Variants in PCED1A observed in about 807,000 individuals in gnomAD.
PCED1A encodes PC-esterase domain-containing protein 1A.
A neutral mutation model predicts 41.9 loss-of-function variants in PCED1A; 20 were observed. The ratio of observed to expected loss-of-function variants is 0.48; its 90% CI spans 0.34 to 0.69. PCED1A has a LOEUF of 0.69. Ranked by LOEUF, PCED1A falls within the 30% of genes least tolerant of loss-of-function variation. The pLI, the probability that PCED1A is intolerant of heterozygous loss-of-function variation, is 0.01. For missense variants in PCED1A, 498 were observed against 602.1 expected (o/e 0.83, Z 1.81); for synonymous variants, 236 against 241.3 (o/e 0.98, Z 0.20).
In PCED1A at chr20:2,838,739, G is replaced by C; in HGVS notation, c.451C>G (p.Arg151Gly). 6.2e-7 allele frequency: 1 copy of C among 1,614,174 alleles called. No homozygotes were observed. Among genetic ancestry groups the C allele is most frequent in the Non-Finnish European group, 8.5e-7 (1 of 1,180,042 alleles). ...TCCCGGTAGCTCTCCATTGAGCAGC[G>C]ACCATATCTGTTGGATAACACACAG... ...SCLWDLSRYG[R>G]CSMESYRENL... The change falls in exon 5 of 8, where the codon CGC (arginine) becomes GGC (glycine). Residue 151 changes from arginine (R) to glycine (G), a missense_variant. Transcript: ENST00000360652. The surrounding 1 kb of genome is among the most constrained non-coding windows in gnomAD (Gnocchi z 5.8).
In PCED1A at chr20:2,836,047, G is replaced by A. The variant is rs1001284692; in HGVS notation, c.1109C>T (p.Pro370Leu). Reference protein sequence around the residue: ...YNPVEDFSMPPHLGCGPGVNF... With the variant: ...YNPVEDFSMPLHLGCGPGVNF... Reference sequence around the variant, plus strand: ...GCTGCAGAAGCACCTACCTAAGTGGGGTGGCATCGAGAAGTCCTCCACTGG... The same window carrying A: ...GCTGCAGAAGCACCTACCTAAGTGGAGTGGCATCGAGAAGTCCTCCACTGG... The change falls in exon 7 of 8, where the codon CCC becomes CTC. Residue 370 changes from proline (P) to leucine (L), a missense_variant. This residue lies in a region of PCED1A where 245 missense variants were observed against 232.4 expected (regional missense o/e 1.05). Coordinates refer to ENST00000360652, the MANE Select transcript of PCED1A (RefSeq NM_022760.6). 1.0e-5 allele frequency: 15 copies of A among 1,484,086 alleles called. No homozygotes were observed. In the Admixed American group the frequency reaches 2.4e-4, roughly 24 times the overall value. 91.9% of individuals were successfully genotyped at this position (1,484,086 alleles called of 1,614,324 possible). A position where few individuals can be genotyped will look rare whatever the true frequency, so the allele number is the denominator to read the frequency against.
At chr20:2,835,757 G>A (rs1338602728) in intron 7 of PCED1A, 48 bp from the exon 8 acceptor site, 1 of 1,512,206 alleles carries the variant, frequency 6.6e-7, no homozygotes, top group African/African-American at 1.4e-5. Context: ...GCCAGAGTGA[G>A]TGCAGCTCTG....
chr20:2,839,602 A>G (rs529634037), intron 2 of PCED1A, among the ~76,000 whole-genome samples, 187 bp downstream of exon 2: 123 of 152,330 alleles, frequency 8.1e-4, no homozygotes, highest in African/African-American at 2.7e-3. Context: ...TGGGCTAAAA[A>G]GTGCACAGGT....
rs1335329109 is a variant in PCED1A, at chr20:2,838,378, T to C, written c.695A>G (p.His232Arg). 1 of 1,614,202 alleles carries C rather than the reference T, an allele frequency of 6.2e-7. No individual in the cohort carries two copies. ...GDHCFDVLDL[H>R]FHFRHAVQHR... Reference sequence around the variant, plus strand: ...CTGTACTGCATGCCGGAAGTGAAAGTGGAGGTCTAGGACATCAAAGCAGTG... The same window carrying C: ...CTGTACTGCATGCCGGAAGTGAAAGCGGAGGTCTAGGACATCAAAGCAGTG... Residue 232 changes from histidine to arginine, a missense_variant, in exon 6 of 8, where the codon CAC (histidine) becomes CGC (arginine). Physicochemically the swap from His to Arg is conservative, Grantham distance 29. Transcript: ENST00000360652. This position sits in a 1 kb window ranked among gnomAD's most constrained non-coding sequence, Gnocchi z 5.8.
chr20:2,840,765 T>C (rs2146630416), upstream of PCED1A: 1 of 1,548,110 alleles, frequency 6.5e-7, no homozygotes, highest in Non-Finnish European at 8.7e-7. Flanking sequence ...AGCTGCCGTC[T>C]GCACCAGCCA....
In PCED1A at chr20:2,836,253, G is replaced by A; in HGVS notation, c.903C>T (p.Thr301=). Reference sequence around the variant, plus strand: ...AGGCCAGGTGCTCCCCGAAGTCTGGGGTCTGCCTATGGCTTCCCTGGAATG... The same window carrying A: ...AGGCCAGGTGCTCCCCGAAGTCTGGAGTCTGCCTATGGCTTCCCTGGAATG... ...NHPFQGSHRQ[T]PDFGEHLALL... Residue 301 remains threonine, a synonymous_variant, in exon 7 of 8, where the codon ACC becomes ACT. Transcript: ENST00000360652. 6.2e-7 allele frequency: 1 copy of A among 1,614,126 alleles called. No homozygotes were observed. Among genetic ancestry groups the A allele is most frequent in the South Asian group, 1.1e-5 (1 of 91,086 alleles).
At position 2,836,187 on chromosome 20, in the gene PCED1A, A is replaced by C. The variant is rs1333731502; in HGVS notation, c.969T>G (p.Pro323=). The stretch of plus-strand genomic sequence containing the variant: ...AGGGCTGAGGAAGCGGGTAGGGAAA[A>C]GGCATGGGAGGAGGCAAAGAAGAAG... ...PPPSSLPPPM[P]FPYPLPQPSP... Residue 323 remains proline, a synonymous_variant, in exon 7 of 8, where the codon CCT becomes CCG. Coordinates refer to ENST00000360652, the MANE Select transcript of PCED1A (RefSeq NM_022760.6). 6.3e-6 allele frequency: 10 copies of C among 1,584,446 alleles called. No homozygotes were observed. In the African/African-American group the frequency reaches 1.1e-4, roughly 17 times the overall value.
chr20:2,840,811 G>A, upstream of PCED1A: 1 of 1,548,130 alleles, frequency 6.5e-7, no homozygotes, highest in South Asian at 1.2e-5. Context: ...CCCACTCGGG[G>A]ACTCTGCCTT....
rs944805774 is a variant in PCED1A, at chr20:2,835,781, C to T, written c.1118-72G>A. 5 of 1,506,482 alleles carry T rather than the reference C, an allele frequency of 3.3e-6. No individual in the cohort carries two copies. In the African/African-American group the frequency reaches 7.0e-5, roughly 21 times the overall value. The allele number at this position is 1,506,482 out of a possible 1,614,324, so 93.3% of individuals were successfully genotyped here. A position where few individuals can be genotyped will look rare whatever the true frequency, so the allele number is the denominator to read the frequency against. On this transcript the variant is annotated intron_variant, in intron 7 of 7. Transcript: ENST00000360652. Reference sequence around the variant, plus strand: ...AGTGCAGCTCTGCCTTGAAGCAACTCTTGTCCTCCAGGTGAGCTTCTCTGT... The same window carrying T: ...AGTGCAGCTCTGCCTTGAAGCAACTTTTGTCCTCCAGGTGAGCTTCTCTGT...
At chr20:2,837,652 C>T (rs1041023580) in intron 6 of PCED1A, among the ~76,000 whole-genome samples, 1 of 152,126 alleles carries the variant, frequency 6.6e-6, no homozygotes, top group Admixed American at 6.5e-5. Flanking sequence ...CCCTCAGAAG[C>T]CTCCACCAAA....
At chr20:2,839,364 G>A in intron 2 of PCED1A, 93 bp from the exon 3 acceptor site, 1 of 1,152,876 alleles carries the variant, frequency 8.7e-7, no homozygotes, top group Non-Finnish European at 1.3e-6. Context: ...GGGCTGAGGT[G>A]CCCGACACCA....
At chr20:2,837,099 C>T (rs1310139150) in intron 6 of PCED1A, among the ~76,000 whole-genome samples, 1 of 152,206 alleles carries the variant, frequency 6.6e-6, no homozygotes, top group Admixed American at 6.5e-5. Context: ...ATGGCCCTAA[C>T]TTCTGTAGCT....
chr20:2,836,422 C>G, intron 6 of PCED1A, 108 bp from the exon 7 acceptor site: 1 of 1,003,538 alleles, frequency 1.0e-6, no homozygotes, highest in South Asian at 1.4e-5. Context: ...AGCAGAGCCA[C>G]CAGGCTGGAG....
In PCED1A at chr20:2,840,251, A is replaced by G. The variant is rs1225373247; in HGVS notation, c.-62T>C. On this transcript the variant is annotated 5_prime_UTR_variant, in exon 1 of 8. Transcript: ENST00000360652. ...CGCGGTGTTCACCCGCGACCCGGGT[A>G]TGCCTGCGCACCGCGCGCCTGGCCC... The G allele has an allele frequency of 8.0e-6, 2 of 249,674 alleles. No individual in the cohort carries two copies. Among genetic ancestry groups the G allele is most frequent in the Non-Finnish European group, 1.5e-5 (2 of 131,224 alleles). The allele number at this position is 249,674 out of a possible 1,614,324, so 15.5% of individuals were successfully genotyped here. A position where few individuals can be genotyped will look rare whatever the true frequency, so the allele number is the denominator to read the frequency against.
chr20:2,836,640 C>A (rs147120947), intron 6 of PCED1A, among the ~76,000 whole-genome samples: 1 of 152,158 alleles, frequency 6.6e-6, no homozygotes, highest in Non-Finnish European at 1.5e-5. Context: ...ACATAAAGAT[C>A]CTGTTATTCC....
upstream of PCED1A, chr20:2,840,951 C>T (rs1568619462): frequency 2.1e-6 from 2 of 947,402 alleles, no homozygotes; most frequent in Non-Finnish European, 3.1e-6. Context: ...CGGCTCTCCC[C>T]GAGCGTCTGC....
chr20:2,838,502 A>G lies in PCED1A; in HGVS notation c.595-24T>C, dbSNP rs767764547. ...AGCTAAGTGAGAAAGTGCAGCCTCT[A>G]AGAGCCACAGAACGCAGCAGGGTCT... On this transcript the variant is annotated intron_variant, in intron 5 of 7. Coordinates refer to ENST00000360652, the MANE Select transcript of PCED1A (RefSeq NM_022760.6). This position sits in a 1 kb window ranked among gnomAD's most constrained non-coding sequence, Gnocchi z 5.8. 1.7e-5 allele frequency: 28 copies of G among 1,614,034 alleles called. No homozygotes were observed. Among genetic ancestry groups the G allele is most frequent in the Middle Eastern group, 3.3e-4 (2 of 6,084 alleles).
chr20:2,836,140 G>T lies in PCED1A; in HGVS notation c.1016C>A (p.Pro339His), dbSNP rs761248958. The change falls in exon 7 of 8, where the codon CCC (proline) becomes CAC (histidine). Residue 339 changes from proline (P) to histidine (H), a missense_variant. Physicochemically the swap from Pro to His is moderately conservative, Grantham distance 77. Around this residue, in one of 2 missense-constraint regions of PCED1A, gnomAD observed 245 missense variants for 232.4 expected, o/e 1.05. Transcript: ENST00000360652. Reference sequence around the variant, plus strand: ...GAAAAAAGGGGTATCCTGGGGCAGGGGTGGGAAGAGGGGAGGTGGCGAGGG... The same window carrying T: ...GAAAAAAGGGGTATCCTGGGGCAGGTGTGGGAAGAGGGGAGGTGGCGAGGG... ...PQPSPPPLFPPLPQDTPFFPG... is the reference protein window; with the variant it reads ...PQPSPPPLFPHLPQDTPFFPG... 1 of 1,600,182 alleles carries T rather than the reference G, an allele frequency of 6.2e-7. No homozygotes were observed. Among genetic ancestry groups the T allele is most frequent in the Non-Finnish European group, 8.5e-7 (1 of 1,172,742 alleles).
rs2088948882 is a variant in PCED1A, at chr20:2,840,536, G to A, written c.-347C>T. Reference sequence around the variant, plus strand: ...CCCCCAGTGCCCGAAGGGAAAGCAAGGCGATGGAGGTGGCCGCCACAGGGC... The same window carrying A: ...CCCCCAGTGCCCGAAGGGAAAGCAAAGCGATGGAGGTGGCCGCCACAGGGC... On this transcript the variant is annotated 5_prime_UTR_variant, in exon 1 of 8. Transcript: ENST00000360652. 3 of 564,012 alleles carry A rather than the reference G, an allele frequency of 5.3e-6. No individual in the cohort carries two copies. Among genetic ancestry groups the A allele is most frequent in the Admixed American group, 6.7e-5 (2 of 30,014 alleles). 34.9% of individuals were successfully genotyped at this position (564,012 alleles called of 1,614,324 possible).
Sources: gnomAD v4.1 joint callset for allele counts (sites outside exome capture counted in the v4.1 genomes callset) on GRCh38, gnomAD v4.1.1 for gene constraint, gnomAD v4.1.1 regional missense constraint, Gnocchi (gnomAD v3.1) non-coding constraint, MANE v1.5 for transcripts, NCBI Gene and HGNC (gene_info 2026-07-23, HGNC 2026-07-21) for gene names.